SLC30A6: variants seen among roughly 807,000 people sequenced by gnomAD.
SLC30A6 encodes the protein solute carrier family 30 member 6.
A neutral mutation model predicts 63.0 loss-of-function variants in SLC30A6; 55 were observed. The ratio of observed to expected loss-of-function variants is 0.87; its 90% CI spans 0.70 to 1.09. SLC30A6 has a LOEUF of 1.09. SLC30A6 is among the 50% of genes least tolerant of loss of function. The pLI, the probability that SLC30A6 is intolerant of heterozygous loss-of-function variation, is 0.00. For missense variants in SLC30A6, 587 were observed against 549.2 expected (o/e 1.07, Z -0.69); for synonymous variants, 224 against 186.1 (o/e 1.20, Z -1.66).
chr2:32,203,060 G>T, intron 10 of SLC30A6: 1 of 1,286,252 alleles, frequency 7.8e-7, no homozygotes, highest in Non-Finnish European at 1.1e-6. Context: ...GTTTACATGG[G>T]GACATTGCAC....
intron 1 of SLC30A6, among the ~76,000 whole-genome samples, chr2:32,166,336 T>C (rs1219339616): frequency 6.6e-6 from 1 of 151,764 alleles, no homozygotes; most frequent in Non-Finnish European, 1.5e-5. Flanking sequence ...AATAGGGTTT[T>C]AGGGCAGACG....
chr2:32,196,360 TTGAG>T (rs750946398), intron 8 of SLC30A6, among the ~76,000 whole-genome samples: 1 of 151,964 alleles, frequency 6.6e-6, no homozygotes, highest in Non-Finnish European at 1.5e-5. Flanking sequence ...TACTTGAAAT[TTGAG>T]TGGGAAATAA....
intron 1 of SLC30A6, among the ~76,000 whole-genome samples, chr2:32,168,255 C>T (rs1032215234): frequency 5.3e-5 from 8 of 151,716 alleles, no homozygotes; most frequent in African/African-American, 1.7e-4. Context: ...GCACTGAAAA[C>T]CTATGGCACT....
At chr2:32,201,071 C>T (rs1393112731) in intron 10 of SLC30A6, among the ~76,000 whole-genome samples, 2 of 152,156 alleles carry the variant, frequency 1.3e-5, no homozygotes, top group Non-Finnish European at 2.9e-5. Flanking sequence ...TGGATTATCT[C>T]CACCCCAGGA....
At chr2:32,174,174 G>A (rs1403466725) in intron 3 of SLC30A6, 27 bp downstream of exon 3, 3 of 1,544,910 alleles carry the variant, frequency 1.9e-6, no homozygotes, top group South Asian at 1.2e-5. Flanking sequence ...TTTTTATGGA[G>A]TTGTTATTTT....
chr2:32,212,236 C>T (rs924425089), intron 13 of SLC30A6, among the ~76,000 whole-genome samples: 1 of 151,800 alleles, frequency 6.6e-6, no homozygotes, highest in Non-Finnish European at 1.5e-5. Context: ...CAATTGTCAT[C>T]TCATTTCTAA....
intron 4 of SLC30A6, among the ~76,000 whole-genome samples, chr2:32,175,656 CACAA>C (rs1376073982): frequency 1.3e-5 from 2 of 152,116 alleles, no homozygotes; most frequent in African/African-American, 4.8e-5. Flanking sequence ...AGAACAAACA[CACAA>C]ACAACAATAA....
At chr2:32,171,980 C>A (rs1468608595) in intron 2 of SLC30A6, among the ~76,000 whole-genome samples, 1 of 152,196 alleles carries the variant, frequency 6.6e-6, no homozygotes, top group African/African-American at 2.4e-5. Flanking sequence ...AGGCGTGAAC[C>A]ACCGTGCCTG....
intron 5 of SLC30A6, among the ~76,000 whole-genome samples, chr2:32,185,045 T>C (rs1478609181): frequency 6.6e-6 from 1 of 152,156 alleles, no homozygotes; most frequent in African/African-American, 2.4e-5. Context: ...GTGATAGCAA[T>C]AGATCAACAA....
At chr2:32,169,800 G>C (rs567097834) in intron 1 of SLC30A6, among the ~76,000 whole-genome samples, 1 of 152,310 alleles carries the variant, frequency 6.6e-6, no homozygotes, top group Non-Finnish European at 1.5e-5. Context: ...ACTGTGTATA[G>C]GGAGAGGCAT....
chr2:32,200,572 T>C (rs1199385888), intron 10 of SLC30A6, among the ~76,000 whole-genome samples: 1 of 151,232 alleles, frequency 6.6e-6, no homozygotes, highest in East Asian at 1.9e-4. Flanking sequence ...CTGTGCTCTC[T>C]GAAACATGTG....
intron 5 of SLC30A6, among the ~76,000 whole-genome samples, chr2:32,188,718 C>A (rs996794039): frequency 6.6e-6 from 1 of 151,936 alleles, no homozygotes; most frequent in African/African-American, 2.4e-5. Context: ...AAGTAGGGAC[C>A]CTGTCTTGTT....
chr2:32,214,510 T>C (rs2148905503), intron 13 of SLC30A6: 1 of 152,338 alleles, frequency 6.6e-6, no homozygotes, highest in African/African-American at 2.4e-5. Flanking sequence ...GAGGCCATAC[T>C]AATCTTCTCT....
chr2:32,193,784 C>A, intron 7 of SLC30A6, 105 bp from the exon 8 acceptor site: 1 of 819,976 alleles, frequency 1.2e-6, no homozygotes, highest in Non-Finnish European at 2.0e-6. Context: ...ATCATTAAAG[C>A]AGACCACTTT....
rs1171235455 is a variant in SLC30A6, at chr2:32,223,591, A to G, written c.*2878A>G. 6.6e-6 allele frequency: 1 copy of G among 152,240 alleles called. No homozygotes were observed. Among genetic ancestry groups the G allele is most frequent in the Non-Finnish European group, 1.5e-5 (1 of 68,040 alleles). The allele number at this position is 152,240 out of a possible 1,614,324, so 9.4% of individuals were successfully genotyped here. On this transcript the variant is annotated 3_prime_UTR_variant, in exon 14 of 14. Transcript: ENST00000282587. Reference sequence around the variant, plus strand: ...GGATGTTGTGCCCAGAATTTTATCTAGTGACTACCTCAACATACAGGCCAA... The same window carrying G: ...GGATGTTGTGCCCAGAATTTTATCTGGTGACTACCTCAACATACAGGCCAA...
intron 10 of SLC30A6, among the ~76,000 whole-genome samples, chr2:32,199,342 G>T (rs1175327798): frequency 6.6e-6 from 1 of 152,154 alleles, no homozygotes; most frequent in Non-Finnish European, 1.5e-5. Context: ...CTTTCAGTTC[G>T]TGTGGGTATA....
intron 1 of SLC30A6, 42 bp from the exon 2 acceptor site, chr2:32,171,245 A>G (rs763995504): frequency 5.2e-6 from 8 of 1,534,262 alleles, no homozygotes; most frequent in African/African-American, 1.4e-5. Context: ...TCTGAAGATG[A>G]TTAAATATCT....
chr2:32,203,412 C>T (rs1052171113), intron 10 of SLC30A6: 14 of 1,333,064 alleles, frequency 1.1e-5, no homozygotes, highest in Non-Finnish European at 1.5e-5. Flanking sequence ...GCTTCTGTTT[C>T]TTATGCTGCT....
At position 32,221,373 on chromosome 2, in the gene SLC30A6, G is replaced by T. The variant is rs1344617782; in HGVS notation, c.*660G>T. The T allele has an allele frequency of 1.3e-5, 2 of 153,118 alleles. No homozygotes were observed. Among genetic ancestry groups the T allele is most frequent in the East Asian group, 3.8e-4 (2 of 5,220 alleles). 9.5% of individuals were successfully genotyped at this position (153,118 alleles called of 1,614,324 possible). A position where few individuals can be genotyped will look rare whatever the true frequency, so the allele number is the denominator to read the frequency against. ...CGGGGGATTTCACCATGTTGGCCAG[G>T]CTGGTCTTGAACTCCTGACCTCATG... is the stretch of plus-strand genomic sequence containing the variant. On this transcript the variant is annotated 3_prime_UTR_variant, in exon 14 of 14. Coordinates refer to ENST00000282587, the MANE Select transcript of SLC30A6 (RefSeq NM_017964.5).
Sources: gnomAD v4.1 joint callset for allele counts (sites outside exome capture counted in the v4.1 genomes callset) on GRCh38, gnomAD v4.1.1 for gene constraint, MANE v1.5 for transcripts, NCBI Gene and HGNC (gene_info 2026-07-23, HGNC 2026-07-21) for gene names.